CAMSAP1: variants seen among roughly 807,000 people sequenced by gnomAD.
The protein encoded by CAMSAP1 is calmodulin-regulated spectrin-associated protein 1.
A neutral mutation model predicts 143.5 loss-of-function variants in CAMSAP1; 58 were observed. That is an observed-to-expected ratio of 0.40 (90% CI 0.33 to 0.50). The LOEUF is 0.50. Ranked by LOEUF, CAMSAP1 falls within the 20% of genes least tolerant of loss-of-function variation. The pLI, the probability that CAMSAP1 is intolerant of heterozygous loss-of-function variation, is 0.45. For missense variants in CAMSAP1, 1,969 were observed against 2,115.7 expected (o/e 0.93, Z 1.36); for synonymous variants, 945 against 859.3 (o/e 1.10, Z -1.74).
intron 1 of CAMSAP1, among the ~76,000 whole-genome samples, chr9:135,887,799 C>A (rs148626588): frequency 6.7e-6 from 1 of 150,208 alleles, no homozygotes; most frequent in African/African-American, 2.5e-5. Context: ...ACGGGCAGGG[C>A]AGGGGCCCAT....
intron 16 of CAMSAP1, among the ~76,000 whole-genome samples, chr9:135,812,002 A>G (rs1251565244): frequency 1.3e-5 from 2 of 152,184 alleles, no homozygotes; most frequent in African/African-American, 2.4e-5. Context: ...TCACTGCCAG[A>G]AGGATACAGA....
intron 5 of CAMSAP1, among the ~76,000 whole-genome samples, chr9:135,858,314 CTCCT>C (rs762385679): frequency 2.6e-5 from 4 of 151,954 alleles, no homozygotes; most frequent in Non-Finnish European, 4.4e-5. Context: ...CCCTTCATTT[CTCCT>C]TCCTTCAACT....
chr9:135,851,740 G>C (rs1190196650), intron 5 of CAMSAP1, among the ~76,000 whole-genome samples: 2 of 152,198 alleles, frequency 1.3e-5, no homozygotes, highest in African/African-American at 4.8e-5. Flanking sequence ...TTTTCAAACA[G>C]ATCTATGTTG....
intron 7 of CAMSAP1, among the ~76,000 whole-genome samples, chr9:135,846,929 G>A (rs760061326): frequency 2.6e-5 from 4 of 152,174 alleles, no homozygotes; most frequent in Non-Finnish European, 4.4e-5. Flanking sequence ...TACACAGCTG[G>A]TGGGAGTGTT....
intron 5 of CAMSAP1, among the ~76,000 whole-genome samples, chr9:135,851,638 A>G (rs1314196588): frequency 1.3e-5 from 2 of 152,202 alleles, no homozygotes; most frequent in Non-Finnish European, 2.9e-5. Flanking sequence ...TAACACAAAC[A>G]GTGTTGTCTC....
In CAMSAP1 at chr9:135,821,499, T is replaced by C. The variant is rs1452740853; in HGVS notation, c.3162A>G (p.Thr1054=). Residue 1054 remains threonine, a synonymous_variant, in exon 11 of 17, where the codon ACA becomes ACG. Coordinates refer to ENST00000389532, the MANE Select transcript of CAMSAP1 (RefSeq NM_015447.4). This position sits in a 1 kb window ranked among gnomAD's most constrained non-coding sequence, Gnocchi z 4.6. ...QQEQLLMKSP[T]VPVPGSKNNS... is the part of the protein sequence containing the mutation. ...TATTCTTAGAGCCTGGCACTGGGACTGTGGGGGACTTCATCAGAAGCTGCT... is the reference window on the plus strand; with the variant it reads ...TATTCTTAGAGCCTGGCACTGGGACCGTGGGGGACTTCATCAGAAGCTGCT... 2 of 1,614,068 alleles carry C rather than the reference T, an allele frequency of 1.2e-6. No individual in the cohort carries two copies. The highest frequency in any genetic ancestry group is 1.7e-6 in the Non-Finnish European group (2 of 1,179,902).
In CAMSAP1 at chr9:135,907,100, C is replaced by T; in HGVS notation, c.60G>A (p.Pro20=). ...AEGWRKMEAP[P]DGAADLVPLD... The stretch of plus-strand genomic sequence containing the variant: ...GGGGCACGAGGTCGGCGGCGCCGTC[C>T]GGCGGGGCCTCCATCTTCCTCCAGC... Residue 20 remains proline (P), a synonymous_variant, in exon 1 of 17, where the codon CCG becomes CCA. Coordinates refer to ENST00000389532, the MANE Select transcript of CAMSAP1 (RefSeq NM_015447.4). 8.7e-7 allele frequency: 1 copy of T among 1,143,488 alleles called. No individual in the cohort carries two copies. Among genetic ancestry groups the T allele is most frequent in the Non-Finnish European group, 1.1e-6 (1 of 927,918 alleles). 70.8% of individuals were successfully genotyped at this position (1,143,488 alleles called of 1,614,324 possible).
At position 135,881,717 on chromosome 9, in the gene CAMSAP1, G is replaced by A. The variant is rs1837959120; in HGVS notation, c.501C>T (p.Ala167=). The A allele has an allele frequency of 6.4e-7, 1 of 1,551,720 alleles. No individual in the cohort carries two copies. Among genetic ancestry groups the A allele is most frequent in the African/African-American group, 1.4e-5 (1 of 73,022 alleles). The change falls in exon 3 of 17, where the codon GCC becomes GCT. Residue 167 remains alanine, a synonymous_variant. Coordinates refer to ENST00000389532, the MANE Select transcript of CAMSAP1 (RefSeq NM_015447.4). ...VEMISIEKVV[A]SVKRFSTFSA... is the part of the protein sequence containing the mutation. ...TGAACGTTGAGAAGCGCTTGACACT[G>A]GCCACCACCTTCTCGATGCTGATCA... is the stretch of plus-strand genomic sequence containing the variant.
At position 135,818,684 on chromosome 9, in the gene CAMSAP1, G is replaced by C; in HGVS notation, c.3960-68C>G. 6.5e-7 allele frequency: 1 copy of C among 1,532,058 alleles called. No homozygotes were observed. The allele number at this position is 1,532,058 out of a possible 1,614,324, so 94.9% of individuals were successfully genotyped here. ...TCTTCCACGACGCCTGCGCCGCGGC[G>C]CTCTGTCCAGGCGCGTTTCTCGGGT... On this transcript the variant is annotated intron_variant, in intron 12 of 16. Coordinates refer to ENST00000389532, the MANE Select transcript of CAMSAP1 (RefSeq NM_015447.4). This position sits in a 1 kb window ranked among gnomAD's most constrained non-coding sequence, Gnocchi z 7.7.
chr9:135,882,882 G>C lies in CAMSAP1; in HGVS notation c.357C>G (p.Ile119Met). 1 of 1,551,642 alleles carries C rather than the reference G, an allele frequency of 6.4e-7. No homozygotes were observed. The highest frequency in any genetic ancestry group is 8.7e-7 in the Non-Finnish European group (1 of 1,147,004). Residue 119 changes from isoleucine (I) to methionine (M), a missense_variant, in exon 2 of 17, where the codon ATC becomes ATG. By Grantham distance (10) the Ile-to-Met change is conservative (BLOSUM62 1). Transcript: ENST00000389532. The surrounding 1 kb of genome is among the most constrained non-coding windows in gnomAD (Gnocchi z 4.9). The stretch of plus-strand genomic sequence containing the variant: ...GGGTGTCATCACTCTCCATCACATA[G>C]ATCCCTTTCCGGGACAGGGCCTGGA... ...SVIQALSRKG[I>M]YVMESDDTPV...
rs1240226305 is a variant in CAMSAP1 at position 135,821,060 on chromosome 9, G to C, written c.3601C>G (p.Leu1201Val). The C allele has an allele frequency of 3.1e-6, 5 of 1,613,982 alleles. No homozygotes were observed. The Admixed American group carries it at 8.3e-5, about 27-fold the overall frequency. ...CCCACCTCCTTCACACTCGCATCCA[G>C]AACTTCTTTGAGGCTCATCTGCTCC... ...LSEQMSLKEV[L>V]DASVKEVGSS... Residue 1201 changes from leucine (L) to valine (V), a missense_variant, in exon 11 of 17, where the codon CTG becomes GTG. Physicochemically the swap from Leu to Val is conservative, Grantham distance 32 (BLOSUM62 1). Transcript: ENST00000389532. The surrounding 1 kb of genome is among the most constrained non-coding windows in gnomAD (Gnocchi z 4.6).
chr9:135,836,649 C>A, intron 7 of CAMSAP1: 1 of 983,272 alleles, frequency 1.0e-6, no homozygotes, highest in Non-Finnish European at 1.2e-6. Context: ...CACATCATCA[C>A]GCACTTTCTA....
intron 4 of CAMSAP1, among the ~76,000 whole-genome samples, chr9:135,863,110 A>T (rs1837256574): frequency 6.6e-6 from 1 of 152,244 alleles, no homozygotes; most frequent in South Asian, 2.1e-4. Context: ...AAATTTCAGA[A>T]GCCAGGTTAG....
rs1278108233 is a variant in CAMSAP1 at position 135,821,615 on chromosome 9, C to A, written c.3046G>T (p.Asp1016Tyr). ...LLEDTVGEVV[D>Y]VNECDLSIEK... Reference sequence around the variant, plus strand: ...ATGGAAAGGTCACATTCATTCACGTCGACAACCTCCCCAACAGTGTCCTCC... The same window carrying A: ...ATGGAAAGGTCACATTCATTCACGTAGACAACCTCCCCAACAGTGTCCTCC... Residue 1016 changes from aspartate to tyrosine, a missense_variant, in exon 11 of 17, where the codon GAC (aspartate) becomes TAC (tyrosine). Asp to Tyr is a radical substitution (Grantham distance 160, BLOSUM62 -3). Around this residue, in one of 4 missense-constraint regions of CAMSAP1, gnomAD observed 1,390 missense variants for 1,420.8 expected, o/e 0.98. Transcript: ENST00000389532. The surrounding 1 kb of genome is among the most constrained non-coding windows in gnomAD (Gnocchi z 4.6). 2 of 1,613,994 alleles carry A rather than the reference C, an allele frequency of 1.2e-6. No individual in the cohort carries two copies. Among genetic ancestry groups the A allele is most frequent in the South Asian group, 2.2e-5 (2 of 91,080 alleles).
In CAMSAP1 at chr9:135,907,323, C is replaced by T; in HGVS notation, c.-164G>A. On this transcript the variant is annotated 5_prime_UTR_variant, in exon 1 of 17. Coordinates refer to ENST00000389532, the MANE Select transcript of CAMSAP1 (RefSeq NM_015447.4). ...CGCCTCACCTCACAGCCGCCGCCGT[C>T]GCCGCCCCCGCGGCTGCTGCATGCT... The T allele has an allele frequency of 4.1e-6, 1 of 242,366 alleles. No homozygotes were observed. Among genetic ancestry groups the T allele is most frequent in the East Asian group, 1.8e-4 (1 of 5,568 alleles). The allele number at this position is 242,366 out of a possible 1,614,324, so 15.0% of individuals were successfully genotyped here.
chr9:135,876,101 GC>G lies in CAMSAP1; in HGVS notation c.585+5531del, dbSNP rs1837739450. 3.3e-5 allele frequency among the ~76,000 whole-genome samples: 5 copies of G among 152,240 alleles called. No individual in the cohort carries two copies. The South Asian group carries it at 1.0e-3, about 32-fold the overall frequency. On this transcript the variant is annotated intron_variant, in intron 3 of 16. Transcript: ENST00000389532. ...CTCCTGAGTAGCTGGGATTACAGGC[GC>G]CCGCCATCACGCCTAATTTTTGTAT...
At chr9:135,870,114 ATAT>A (rs1236965753) in intron 3 of CAMSAP1, among the ~76,000 whole-genome samples, 3 of 152,214 alleles carry the variant, frequency 2.0e-5, no homozygotes, top group Admixed American at 2.0e-4. Flanking sequence ...TATAAAGCTG[ATAT>A]GGTTTGGCTC....
In CAMSAP1 at chr9:135,822,266, C is replaced by T; in HGVS notation, c.2395G>A (p.Ala799Thr). The T allele has an allele frequency of 6.2e-7, 1 of 1,614,006 alleles. No individual in the cohort carries two copies. Among genetic ancestry groups the T allele is most frequent in the Non-Finnish European group, 8.5e-7 (1 of 1,179,900 alleles). Residue 799 changes from alanine to threonine, a missense_variant, in exon 11 of 17, where the codon GCC becomes ACC. By Grantham distance (58) the Ala-to-Thr change is moderately conservative. This residue lies in a region of CAMSAP1 where 1,390 missense variants were observed against 1,420.8 expected (regional missense o/e 0.98). Coordinates refer to ENST00000389532, the MANE Select transcript of CAMSAP1 (RefSeq NM_015447.4). The surrounding 1 kb of genome is among the most constrained non-coding windows in gnomAD (Gnocchi z 6.1). ...SGRSSPCLST[A>T]SQMSSVSMAS... The stretch of plus-strand genomic sequence containing the variant: ...ATGGAGACACTGCTCATCTGAGAGG[C>T]TGTGCTCAGGCAGGGGCTCGAGCGG...
chr9:135,833,493 C>A (rs1346253384), intron 7 of CAMSAP1, among the ~76,000 whole-genome samples: 1 of 152,086 alleles, frequency 6.6e-6, no homozygotes, highest in Non-Finnish European at 1.5e-5. Flanking sequence ...AGACACAAGC[C>A]AATGAAACAG....
Sources: gnomAD v4.1 joint callset for allele counts (sites outside exome capture counted in the v4.1 genomes callset) on GRCh38, gnomAD v4.1.1 for gene constraint, gnomAD v4.1.1 regional missense constraint, Gnocchi (gnomAD v3.1) non-coding constraint, MANE v1.5 for transcripts, NCBI Gene and HGNC (gene_info 2026-07-23, HGNC 2026-07-21) for gene names.